PSMC4: variants seen among roughly 807,000 people sequenced by gnomAD.
PSMC4 encodes 26S proteasome regulatory subunit 6B.
In PSMC4, 13 loss-of-function variants were observed where a neutral mutation model predicts 48.4. That is an observed-to-expected ratio of 0.27 (90% CI 0.18 to 0.43). The LOEUF (loss-of-function observed/expected upper bound fraction) is 0.43. PSMC4 is among the 20% of genes least tolerant of loss of function. PSMC4 has a pLI of 1.00. For missense variants in PSMC4, 262 were observed against 555.9 expected (o/e 0.47, Z 5.32); for synonymous variants, 202 against 212.3 (o/e 0.95, Z 0.42).
chr19:39,972,401 G>A lies in PSMC4; in HGVS notation c.168G>A (p.Val56=), dbSNP rs1227000889. ...AGCAAGAGCTGGAGTTCCTGGAGGT[G>A]CAGGAGGAATACATCAAAGATGAGC... ...KLQQELEFLE[V]QEEYIKDEQK... is the part of the protein sequence containing the mutation. The change falls in exon 3 of 11, where the codon GTG becomes GTA. Residue 56 remains valine, a synonymous_variant. Coordinates refer to ENST00000157812, the MANE Select transcript of PSMC4 (RefSeq NM_006503.4). 3 of 1,614,174 alleles carry A rather than the reference G, an allele frequency of 1.9e-6. No individual in the cohort carries two copies. The highest frequency in any genetic ancestry group is 1.1e-5 in the South Asian group (1 of 91,082).
Position 39,981,301 on chromosome 19 carries a change from A to C in PSMC4, c.1253A>C (p.Lys418Thr), listed in dbSNP as rs1488078565. 6.2e-7 allele frequency: 1 copy of C among 1,612,412 alleles called. No homozygotes were observed. Residue 418 changes from lysine (K) to threonine (T), a missense_variant, in exon 11 of 11, where the codon AAG (lysine) becomes ACG (threonine). Physicochemically the swap from Lys to Thr is moderately conservative, Grantham distance 78 (BLOSUM62 -1). Transcript: ENST00000157812. ...KKDEQEHEFY[K>T] ...GACGAGCAGGAGCATGAGTTTTACA[A>C]GTGACCCTTCCCTTCCCTCCACCAC... is the stretch of plus-strand genomic sequence containing the variant.
intron 10 of PSMC4, 39 bp from the exon 11 acceptor site, chr19:39,981,152 CT>C: frequency 6.6e-7 from 1 of 1,516,708 alleles, no homozygotes; most frequent in South Asian, 1.1e-5. Context: ...CCACTGTGCC[CT>C]GCCACAGGAA....
intron 1 of PSMC4, 109 bp downstream of exon 1, chr19:39,971,347 G>T: frequency 7.1e-7 from 1 of 1,406,328 alleles, no homozygotes; most frequent in Non-Finnish European, 1.0e-6. Flanking sequence ...CCCAGGTTGG[G>T]GTTATTTTAG....
chr19:39,980,000 A>G lies in PSMC4; in HGVS notation c.841+16A>G. On this transcript the variant is annotated intron_variant, in intron 7 of 10. Transcript: ENST00000157812. Reference sequence around the variant, plus strand: ...CAGACAGGGGGTAAGTGATGCTGAAACAAGGCCCGGGGTCTTGGACAGGCT... The same window carrying G: ...CAGACAGGGGGTAAGTGATGCTGAAGCAAGGCCCGGGGTCTTGGACAGGCT... 6.2e-7 allele frequency: 1 copy of G among 1,613,706 alleles called. No individual in the cohort carries two copies. The highest frequency in any genetic ancestry group is 8.5e-7 in the Non-Finnish European group (1 of 1,179,838).
chr19:39,975,688 A>G (rs1380301464), intron 6 of PSMC4, among the ~76,000 whole-genome samples: 1 of 152,116 alleles, frequency 6.6e-6, no homozygotes, highest in African/African-American at 2.4e-5. Context: ...CAATCATAGT[A>G]CCTATTTTTC....
At chr19:39,979,525 C>T (rs918470013) in intron 6 of PSMC4, 12 of 232,094 alleles carry the variant, frequency 5.2e-5, no homozygotes, top group Admixed American at 5.2e-4. Flanking sequence ...TGTGCTACTG[C>T]ACTCCAGCCT....
At position 39,980,435 on chromosome 19, in the gene PSMC4, G is replaced by T. The variant is rs773158269; in HGVS notation, c.1068G>T (p.Glu356Asp). The T allele has an allele frequency of 6.2e-7, 1 of 1,614,062 alleles. No individual in the cohort carries two copies. Among genetic ancestry groups the T allele is most frequent in the Non-Finnish European group, 8.5e-7 (1 of 1,180,014 alleles). ...STITSKMNLS[E>D]EVDLEDYVAR... ...TCACTAGCAAGATGAACCTCTCTGA[G>T]GAGGTTGACTTGGAAGACTGTATCC... Residue 356 changes from glutamate to aspartate, a missense_variant, in exon 9 of 11, where the codon GAG (glutamate) becomes GAT (aspartate). By Grantham distance (45) the Glu-to-Asp change is conservative. Coordinates refer to ENST00000157812, the MANE Select transcript of PSMC4 (RefSeq NM_006503.4). The surrounding 1 kb of genome is among the most constrained non-coding windows in gnomAD (Gnocchi z 4.8).
intron 6 of PSMC4, among the ~76,000 whole-genome samples, chr19:39,976,228 C>T (rs555867752): frequency 3.6e-4 from 42 of 116,176 alleles, no homozygotes; most frequent in African/African-American, 1.3e-3. Context: ...CAAAGCAAGA[C>T]TCCATCTCCA....
At chr19:39,971,512 T>C (rs779806005) in intron 1 of PSMC4, among the ~76,000 whole-genome samples, 1 of 152,078 alleles carries the variant, frequency 6.6e-6, no homozygotes, top group Non-Finnish European at 1.5e-5. Context: ...TAGTGCTTAG[T>C]GAGGTCGGTG....
In PSMC4 at chr19:39,980,471, G is replaced by A. The variant is rs774561164; in HGVS notation, c.1087+17G>A. On this transcript the variant is annotated intron_variant, in intron 9 of 10. Coordinates refer to ENST00000157812, the MANE Select transcript of PSMC4 (RefSeq NM_006503.4). The surrounding 1 kb of genome is among the most constrained non-coding windows in gnomAD (Gnocchi z 4.8). The stretch of plus-strand genomic sequence containing the variant: ...TGGAAGACTGTATCCTGCTCCAGAA[G>A]TCAGGGAGGGGCCCTAGTTGGGAAC... 9.3e-6 allele frequency: 15 copies of A among 1,613,392 alleles called. No homozygotes were observed. The highest frequency in any genetic ancestry group is 5.3e-5 in the African/African-American group (4 of 74,884).
At chr19:39,978,702 A>G (rs1302670235) in intron 6 of PSMC4, among the ~76,000 whole-genome samples, 1 of 152,142 alleles carries the variant, frequency 6.6e-6, no homozygotes. Flanking sequence ...GATCCTTAAG[A>G]AACAAGTGTA....
Position 39,980,651 on chromosome 19 carries a change from A to G in PSMC4, c.1088-11A>G. The G allele has an allele frequency of 6.2e-7, 1 of 1,613,770 alleles. No homozygotes were observed. Among genetic ancestry groups the G allele is most frequent in the African/African-American group, 1.3e-5 (1 of 74,974 alleles). On this transcript the variant is annotated splice_polypyrimidine_tract_variant and intron_variant, in intron 9 of 10. Transcript: ENST00000157812. This position sits in a 1 kb window ranked among gnomAD's most constrained non-coding sequence, Gnocchi z 4.8. ...CATCACACAGGGAATAGTTTCCTTA[A>G]CTCGCTGCAGATGTGGCCCGGCCAG...
At chr19:39,972,268 C>T (rs371686523) in intron 2 of PSMC4, 24 bp downstream of exon 2, 1 of 1,611,644 alleles carries the variant, frequency 6.2e-7, no homozygotes, top group Non-Finnish European at 8.5e-7. Context: ...CCAACCCAGA[C>T]CTTGCACAGG....
At chr19:39,971,266 C>T (rs370572542) in intron 1 of PSMC4, 28 bp downstream of exon 1, 2 of 1,613,710 alleles carry the variant, frequency 1.2e-6, no homozygotes, top group East Asian at 2.2e-5. Flanking sequence ...GCTTTTTAGT[C>T]CGGGCCGGGC....
At position 39,974,022 on chromosome 19, in the gene PSMC4, G is replaced by A. The variant is rs1440377604; in HGVS notation, c.323-272G>A. ...AGGTCTGACAATCAGGAGAGAGACT[G>A]AGCCTGGAAACAGAAGTGTGCCTCA... On this transcript the variant is annotated intron_variant, in intron 3 of 10. Transcript: ENST00000157812. This position sits in a 1 kb window ranked among gnomAD's most constrained non-coding sequence, Gnocchi z 5.5. Among the ~76,000 whole-genome samples, 1 of 152,182 alleles carries A rather than the reference G, an allele frequency of 6.6e-6. No individual in the cohort carries two copies. The highest frequency in any genetic ancestry group is 2.4e-5 in the African/African-American group (1 of 41,442).
intron 3 of PSMC4, 31 bp downstream of exon 3, chr19:39,972,586 G>A (rs755159301): frequency 2.8e-5 from 44 of 1,580,740 alleles, no homozygotes; most frequent in Non-Finnish European, 3.5e-5. Flanking sequence ...TCATTCATCT[G>A]TCCACTTAAC....
chr19:39,975,943 T>C (rs1046444908), intron 6 of PSMC4, among the ~76,000 whole-genome samples: 15 of 152,052 alleles, frequency 9.9e-5, no homozygotes, highest in African/African-American at 3.6e-4. Context: ...TGTGCCAGGA[T>C]GTGTTGTAGA....
At position 39,972,348 on chromosome 19, in the gene PSMC4, C is replaced by T. The variant is rs1325489780; in HGVS notation, c.136-21C>T. On this transcript the variant is annotated intron_variant, in intron 2 of 10. Coordinates refer to ENST00000157812, the MANE Select transcript of PSMC4 (RefSeq NM_006503.4). ...TCAGCAAGTCTGGAGCCATCCCCTT[C>T]TGTCCCCTCTCTGCTCGCAGAAGCT... 3 of 1,612,844 alleles carry T rather than the reference C, an allele frequency of 1.9e-6. No individual in the cohort carries two copies. In the African/African-American group the frequency reaches 4.0e-5, roughly 22 times the overall value.
Position 39,981,430 on chromosome 19 carries a change from A to T in PSMC4, c.*125A>T, listed in dbSNP as rs1971285818. ...GATTGGTTTCTTCAATAAATAGATAAGATCGAATCCATTTAATTTCTTCTT... is the reference window on the plus strand; with the variant it reads ...GATTGGTTTCTTCAATAAATAGATATGATCGAATCCATTTAATTTCTTCTT... On this transcript the variant is annotated 3_prime_UTR_variant, in exon 11 of 11. Transcript: ENST00000157812. 1.5e-6 allele frequency: 1 copy of T among 661,174 alleles called. No homozygotes were observed. Among genetic ancestry groups the T allele is most frequent in the African/African-American group, 1.8e-5 (1 of 55,030 alleles). 41.0% of individuals were successfully genotyped at this position (661,174 alleles called of 1,614,324 possible). A position where few individuals can be genotyped will look rare whatever the true frequency, so the allele number is the denominator to read the frequency against.
Sources: allele counts gnomAD v4.1 joint callset (sites outside exome capture counted in the v4.1 genomes callset), GRCh38; gene constraint gnomAD v4.1.1; non-coding constraint Gnocchi (gnomAD v3.1); transcripts MANE v1.5; gene names NCBI Gene and HGNC (gene_info 2026-07-23, HGNC 2026-07-21).